The following ACMSD variants were observed in gnomAD, a reference collection of about 807,000 sequenced individuals.
ACMSD encodes aminocarboxymuconate semialdehyde decarboxylase.
Under a neutral mutation model 45.9 loss-of-function variants are expected in ACMSD, and 37 were observed. The observed-to-expected ratio is 0.81, with a 90% CI of 0.62 to 1.06. ACMSD has a LOEUF of 1.06. Among genes scored for constraint, ACMSD ranks in the 50% least tolerant of loss-of-function variants. ACMSD has a pLI of 0.00. For synonymous variants in ACMSD, 138 were observed against 148.8 expected (o/e 0.93, Z 0.53); for missense variants, 434 against 420.9 (o/e 1.03, Z -0.27).
chr2:134,839,696 T>C (rs1573605740), intron 1 of ACMSD, among the ~76,000 whole-genome samples: 6 of 152,328 alleles, frequency 3.9e-5, no homozygotes, highest in African/African-American at 1.4e-4. Context: ...TCCATTGGTA[T>C]CTTAGGTAAG....
chr2:134,841,846 T>G (rs1486054551), intron 1 of ACMSD, among the ~76,000 whole-genome samples: 1 of 152,210 alleles, frequency 6.6e-6, no homozygotes, highest in Non-Finnish European at 1.5e-5. Context: ...TTGTTAGCAA[T>G]TGCACTTCAT....
intron 8 of ACMSD, among the ~76,000 whole-genome samples, chr2:134,892,442 A>G (rs1396012805): frequency 6.6e-6 from 1 of 150,754 alleles, no homozygotes; most frequent in Admixed American, 6.7e-5. Context: ...CTGAAGTCTT[A>G]GGTTTCTATT....
At chr2:134,850,735 A>G (rs989521475) in intron 2 of ACMSD, among the ~76,000 whole-genome samples, 4 of 152,054 alleles carry the variant, frequency 2.6e-5, no homozygotes, top group Non-Finnish European at 5.9e-5. Flanking sequence ...TAAAGCTACA[A>G]TTTTCTTGGA....
chr2:134,891,308 T>C lies in ACMSD; in HGVS notation c.850-7033T>C, dbSNP rs186715823. Among the ~76,000 whole-genome samples the C allele has an allele frequency of 2.3e-3, 346 of 152,244 alleles. 2 individuals are homozygous for C. The highest frequency in any genetic ancestry group is 8.0e-3 in the African/African-American group (331 of 41,568). On this transcript the variant is annotated intron_variant, in intron 8 of 9. Coordinates refer to ENST00000356140, the MANE Select transcript of ACMSD (RefSeq NM_138326.3). ...TTTTAACCCATCTTCAGTTGATTTT[T>C]ATATATGGTAAGAGATAGGGGTCCG...
intron 2 of ACMSD, among the ~76,000 whole-genome samples, chr2:134,849,478 G>C (rs1221438660): frequency 6.6e-6 from 1 of 152,112 alleles, no homozygotes; most frequent in African/African-American, 2.4e-5. Context: ...AAAATAGGCT[G>C]GGAGCAATGA....
chr2:134,864,538 C>A (rs543688049), intron 5 of ACMSD, among the ~76,000 whole-genome samples: 4 of 152,092 alleles, frequency 2.6e-5, no homozygotes, highest in South Asian at 2.1e-4. Flanking sequence ...AGTGAAAATT[C>A]TTTTAATGCA....
chr2:134,885,204 T>C (rs1322868971), intron 8 of ACMSD, among the ~76,000 whole-genome samples: 1 of 131,392 alleles, frequency 7.6e-6, no homozygotes, highest in Non-Finnish European at 1.5e-5. Context: ...TCAAAAAATA[T>C]ATACATATAT....
At chr2:134,839,876 G>A (rs1401048119) in intron 1 of ACMSD, among the ~76,000 whole-genome samples, 1 of 152,080 alleles carries the variant, frequency 6.6e-6, no homozygotes, top group Non-Finnish European at 1.5e-5. Flanking sequence ...GTTTACTGAA[G>A]TGTAAACCAC....
intron 2 of ACMSD, among the ~76,000 whole-genome samples, chr2:134,858,230 C>T (rs1435104048): frequency 1.3e-5 from 2 of 152,026 alleles, no homozygotes; most frequent in Non-Finnish European, 2.9e-5. Context: ...TCATTTACAA[C>T]AACATGAATA....
rs754306155 is a variant in ACMSD, at chr2:134,872,620, G to T, written c.828G>T (p.Leu276=). Residue 276 remains leucine (L), a synonymous_variant, in exon 8 of 10, where the codon CTG becomes CTT. Coordinates refer to ENST00000356140, the MANE Select transcript of ACMSD (RefSeq NM_138326.3). ...TTCATGATCCTCTGTCCCTCAAGCTGTTAACAGATGTCATAGGAAAGGTAA... is the reference window on the plus strand; with the variant it reads ...TTCATGATCCTCTGTCCCTCAAGCTTTTAACAGATGTCATAGGAAAGGTAA... ...ALVHDPLSLK[L]LTDVIGKDKV... The T allele has an allele frequency of 6.2e-7, 1 of 1,614,176 alleles. No homozygotes were observed.
At chr2:134,887,868 A>C (rs1689552503) in intron 8 of ACMSD, among the ~76,000 whole-genome samples, 1 of 152,218 alleles carries the variant, frequency 6.6e-6, no homozygotes, top group Non-Finnish European at 1.5e-5. Flanking sequence ...CACAAAACTT[A>C]ATTTGAGCAA....
intron 2 of ACMSD, among the ~76,000 whole-genome samples, chr2:134,853,969 A>T (rs1402120811): frequency 2.6e-5 from 4 of 152,238 alleles, no homozygotes; most frequent in Admixed American, 2.6e-4. Context: ...ATCACCAAAT[A>T]TTAGCCTTGT....
intron 5 of ACMSD, among the ~76,000 whole-genome samples, chr2:134,865,472 T>G (rs1688054581): frequency 6.6e-6 from 1 of 152,204 alleles, no homozygotes; most frequent in African/African-American, 2.4e-5. Flanking sequence ...TATTTTCATT[T>G]GTGTGACTAG....
At chr2:134,847,125 G>A (rs560972641) in intron 2 of ACMSD, among the ~76,000 whole-genome samples, 2 of 152,186 alleles carry the variant, frequency 1.3e-5, no homozygotes, top group African/African-American at 2.4e-5. Flanking sequence ...TGCAGGGCAC[G>A]CTAAAGAGTC....
At chr2:134,898,523 A>C in intron 9 of ACMSD, 84 bp downstream of exon 9, 1 of 841,966 alleles carries the variant, frequency 1.2e-6, no homozygotes, top group African/African-American at 1.8e-5. Flanking sequence ...TGATATATAA[A>C]AACAAAGAAC....
At chr2:134,840,178 A>C (rs1406473995) in intron 1 of ACMSD, among the ~76,000 whole-genome samples, 1 of 141,776 alleles carries the variant, frequency 7.1e-6, no homozygotes, top group Non-Finnish European at 1.5e-5. Context: ...AAAAAAAAAA[A>C]AAAAAAAAAA....
At chr2:134,854,249 T>C (rs770981799) in intron 2 of ACMSD, among the ~76,000 whole-genome samples, 1 of 152,206 alleles carries the variant, frequency 6.6e-6, no homozygotes, top group Non-Finnish European at 1.5e-5. Flanking sequence ...GCTAAGTTCT[T>C]TACATTCTAT....
At chr2:134,847,383 G>C (rs1218050876) in intron 2 of ACMSD, among the ~76,000 whole-genome samples, 1 of 149,608 alleles carries the variant, frequency 6.7e-6, no homozygotes, top group Non-Finnish European at 1.5e-5. Context: ...CCACTAAAGA[G>C]TTTTTTGGGG....
At chr2:134,861,068 T>G (rs1379559790) in intron 3 of ACMSD, among the ~76,000 whole-genome samples, 1 of 152,016 alleles carries the variant, frequency 6.6e-6, no homozygotes. Context: ...TAAGTGGCAT[T>G]TAAATTGAAC....
Sources: gnomAD v4.1 joint callset for allele counts (sites outside exome capture counted in the v4.1 genomes callset) on GRCh38, gnomAD v4.1.1 for gene constraint, MANE v1.5 for transcripts, NCBI Gene and HGNC (gene_info 2026-07-23, HGNC 2026-07-21) for gene names.